Variants in BASP1 observed in about 807,000 individuals in gnomAD.
BASP1 encodes the protein brain acid soluble protein 1.
In BASP1, 1 loss-of-function variant was observed where a neutral mutation model predicts 2.2. That is an observed-to-expected ratio of 0.46 (90% CI 0.16 to 2.17). The LOEUF (loss-of-function observed/expected upper bound fraction) is 2.17. Ranked by LOEUF, BASP1 falls within the 30% of genes most tolerant of loss-of-function variation. The pLI is 0.27. For synonymous variants in BASP1, 187 were observed against 154.2 expected (o/e 1.21, Z -1.58); for missense variants, 352 against 327.2 (o/e 1.08, Z -0.58).
intron 1 of BASP1, among the ~76,000 whole-genome samples, chr5:17,248,844 GTGCGCCTA>G (rs1456166701): frequency 1.3e-5 from 2 of 152,140 alleles, no homozygotes; most frequent in African/African-American, 4.8e-5. Flanking sequence ...TTTACATGTG[GTGCGCCTA>G]TTCTAGGTCT....
chr5:17,221,648 A>G (rs1277209944), intron 1 of BASP1, among the ~76,000 whole-genome samples: 1 of 152,186 alleles, frequency 6.6e-6, no homozygotes, highest in African/African-American at 2.4e-5. Flanking sequence ...CTTTATTGTT[A>G]TATCAAATTT....
Position 17,251,805 on chromosome 5 carries a change from A to C in BASP1, c.-9-23403A>C, listed in dbSNP as rs1343425544. Among the ~76,000 whole-genome samples the C allele has an allele frequency of 6.6e-6, 1 of 152,096 alleles. No homozygotes were observed. The highest frequency in any genetic ancestry group is 1.5e-5 in the Non-Finnish European group (1 of 68,014). On this transcript the variant is annotated intron_variant, in intron 1 of 1. Transcript: ENST00000322611. This position sits in a 1 kb window ranked among gnomAD's most constrained non-coding sequence, Gnocchi z 4.0. ...TCTTGGGAGGGAGCAGAGGAGAAAG[A>C]AGGTTCGGGTAGGTGAGAAAGGTAG...
intron 1 of BASP1, among the ~76,000 whole-genome samples, chr5:17,247,048 A>G (rs1028054640): frequency 6.6e-6 from 1 of 152,134 alleles, no homozygotes; most frequent in African/African-American, 2.4e-5. Context: ...ATAGCTGGGC[A>G]TGGTGGTGCA....
rs570287462 is a variant in BASP1, at chr5:17,251,523, G to T, written c.-9-23685G>T. On this transcript the variant is annotated intron_variant, in intron 1 of 1. Transcript: ENST00000322611. The surrounding 1 kb of genome is among the most constrained non-coding windows in gnomAD (Gnocchi z 4.0). Reference sequence around the variant, plus strand: ...GTTTCTGTGGAAGGGTCCAAACAGCGGCTGGAGCTCCAACTGTCTTTGTCT... The same window carrying T: ...GTTTCTGTGGAAGGGTCCAAACAGCTGCTGGAGCTCCAACTGTCTTTGTCT... Among the ~76,000 whole-genome samples, 6 of 152,288 alleles carry T rather than the reference G, an allele frequency of 3.9e-5. No homozygotes were observed. In the South Asian group the frequency reaches 1.2e-3, roughly 32 times the overall value.
intron 1 of BASP1, among the ~76,000 whole-genome samples, chr5:17,237,173 T>C (rs1739764870): frequency 6.6e-6 from 1 of 151,962 alleles, no homozygotes; most frequent in Admixed American, 6.6e-5. Context: ...TGAAAACCTG[T>C]CTCTACTAAA....
At chr5:17,240,096 C>T (rs939976423) in intron 1 of BASP1, among the ~76,000 whole-genome samples, 27 of 150,538 alleles carry the variant, frequency 1.8e-4, no homozygotes, top group Admixed American at 6.6e-4. Context: ...GGGATTAGTG[C>T]TCTTATAGAA....
Position 17,275,721 on chromosome 5 carries a change from G to C in BASP1, c.505G>C (p.Ala169Pro), listed in dbSNP as rs1283900205. 3.1e-6 allele frequency: 5 copies of C among 1,610,034 alleles called. No individual in the cohort carries two copies. The African/African-American group carries it at 6.7e-5, about 22-fold the overall frequency. Residue 169 changes from alanine to proline, a missense_variant, in exon 2 of 2, where the codon GCT (alanine) becomes CCT (proline). Transcript: ENST00000322611. This position sits in a 1 kb window ranked among gnomAD's most constrained non-coding sequence, Gnocchi z 5.3. ...GGAGACCAAAAGTGACGGGGCCCCA[G>C]CTTCAGACTCAAAACCCGGCAGCTC... ...AQETKSDGAP[A>P]SDSKPGSSEA...
intron 1 of BASP1, among the ~76,000 whole-genome samples, chr5:17,242,137 G>A (rs1200278800): frequency 6.6e-6 from 1 of 152,130 alleles, no homozygotes. Context: ...GGCGTTCTTT[G>A]ATGCACCATT....
At chr5:17,233,531 C>A (rs2126494522) in intron 1 of BASP1, among the ~76,000 whole-genome samples, 1 of 152,232 alleles carries the variant, frequency 6.6e-6, no homozygotes, top group Non-Finnish European at 1.5e-5. Context: ...GGGCAGTTTG[C>A]AATTAATTTT....
chr5:17,263,600 G>A (rs975630310), intron 1 of BASP1, among the ~76,000 whole-genome samples: 1 of 152,180 alleles, frequency 6.6e-6, no homozygotes, highest in African/African-American at 2.4e-5. Flanking sequence ...TAATGGAGGC[G>A]TTTCTTGTGA....
chr5:17,245,441 A>G (rs1739963890), intron 1 of BASP1, among the ~76,000 whole-genome samples: 1 of 152,118 alleles, frequency 6.6e-6, no homozygotes, highest in African/African-American at 2.4e-5. Context: ...AATTGTTGAT[A>G]TTACAACAGA....
intron 1 of BASP1, among the ~76,000 whole-genome samples, chr5:17,255,042 C>G (rs946893923): frequency 1.3e-5 from 2 of 152,196 alleles, no homozygotes; most frequent in Non-Finnish European, 2.9e-5. Flanking sequence ...ATTTTCCCCT[C>G]TTCATGTTAC....
intron 1 of BASP1, among the ~76,000 whole-genome samples, chr5:17,225,553 T>C (rs912990581): frequency 5.9e-5 from 9 of 152,224 alleles, no homozygotes. Context: ...TAAATCCTTG[T>C]TTTTCTCCCA....
intron 1 of BASP1, among the ~76,000 whole-genome samples, chr5:17,233,924 T>A (rs1261732094): frequency 1.3e-5 from 2 of 151,712 alleles, no homozygotes; most frequent in Non-Finnish European, 2.9e-5. Flanking sequence ...AGTTCAGGAG[T>A]TCTATACCAG....
At chr5:17,266,862 A>G (rs914200963) in intron 1 of BASP1, among the ~76,000 whole-genome samples, 2 of 151,452 alleles carry the variant, frequency 1.3e-5, no homozygotes, top group African/African-American at 4.9e-5. Flanking sequence ...CTCTTTCTCA[A>G]TGTAGGAACT....
At chr5:17,262,237 T>C (rs1258865861) in intron 1 of BASP1, among the ~76,000 whole-genome samples, 1 of 152,132 alleles carries the variant, frequency 6.6e-6, no homozygotes, top group African/African-American at 2.4e-5. Context: ...ATCAATAGGG[T>C]TTTCTAATAA....
intron 1 of BASP1, among the ~76,000 whole-genome samples, chr5:17,273,822 C>T (rs1048775983): frequency 1.3e-5 from 2 of 152,154 alleles, no homozygotes; most frequent in African/African-American, 2.4e-5. Context: ...CTGATGCTCT[C>T]TCCTGGGCTT....
intron 1 of BASP1, 75 bp downstream of exon 1, chr5:17,217,885 C>T (rs1043452031): frequency 1.2e-4 from 19 of 152,090 alleles, no homozygotes; most frequent in African/African-American, 4.1e-4. Context: ...CCGCGCCCCG[C>T]CCCGCAGCCC....
At chr5:17,270,448 A>C (rs1740509751) in intron 1 of BASP1, among the ~76,000 whole-genome samples, 1 of 152,258 alleles carries the variant, frequency 6.6e-6, no homozygotes, top group African/African-American at 2.4e-5. Context: ...ACCTCTTAGA[A>C]TCTTAAGTAG....
Sources: gnomAD v4.1 joint callset for allele counts (sites outside exome capture counted in the v4.1 genomes callset) on GRCh38, gnomAD v4.1.1 for gene constraint, Gnocchi (gnomAD v3.1) non-coding constraint, MANE v1.5 for transcripts, NCBI Gene and HGNC (gene_info 2026-07-23, HGNC 2026-07-21) for gene names.